The following PURG variants were observed in gnomAD, a reference collection of about 807,000 sequenced individuals.
The protein encoded by PURG is purine rich element binding protein G.
In PURG, 3 loss-of-function variants were observed where a neutral mutation model predicts 24.3. The ratio of observed to expected loss-of-function variants is 0.12; its 90% CI spans 0.06 to 0.32. The LOEUF is 0.32. Among genes scored for constraint, PURG ranks in the 10% least tolerant of loss-of-function variants. PURG has a pLI of 1.00. For missense variants in PURG, 371 were observed against 439.1 expected (o/e 0.84, Z 1.39); for synonymous variants, 180 against 173.1 (o/e 1.04, Z -0.31).
At position 31,002,747 on chromosome 8, in the gene PURG, G is replaced by A. The variant is rs150958018; in HGVS notation, c.865-6050C>T. Among the ~76,000 whole-genome samples the A allele has an allele frequency of 8.6e-3, 1,315 of 152,304 alleles. 16 individuals carry two copies. The highest frequency in any genetic ancestry group is 0.03 in the African/African-American group (1,245 of 41,550). On this transcript the variant is annotated intron_variant, in intron 1 of 1. Coordinates refer to the PURG transcript ENST00000339382. ...GATCCACTTGCCTCGGCCTCCCAAA[G>A]TGCTAGGATTACAGGCGTGAGCCAC...
Position 31,005,778 on chromosome 8 carries a change from T to TTG in PURG, c.865-9082_865-9081insCA, listed in dbSNP as rs1554511671. 7.4e-4 allele frequency among the ~76,000 whole-genome samples: 100 copies of TTG among 135,578 alleles called. 2 individuals carry two copies. In the East Asian group the frequency reaches 0.021, roughly 28 times the overall value. 88.9% of individuals were successfully genotyped at this position (135,578 alleles called of 152,430 possible). ...TTAGCATTTTTCTTTTTTCTTTTTT[T>TTG]TTTTTTTCATTTCAAAACTTCTCCC... On this transcript the variant is annotated intron_variant, in intron 1 of 1. Transcript: ENST00000339382.
intron 1 of PURG, among the ~76,000 whole-genome samples, chr8:31,017,726 A>T (rs1810903451): frequency 6.6e-6 from 1 of 152,350 alleles, no homozygotes; most frequent in East Asian, 1.9e-4. Context: ...CATTTGTAGC[A>T]ATAATGAACT....
chr8:31,003,256 C>G (rs535509139), intron 1 of PURG, among the ~76,000 whole-genome samples: 5 of 151,958 alleles, frequency 3.3e-5, no homozygotes, highest in Admixed American at 6.6e-5. Flanking sequence ...AAGGAAAGCA[C>G]GTGTATTTTA....
chr8:31,026,355 T>C (rs1270264720), downstream of PURG, among the ~76,000 whole-genome samples: 2 of 151,556 alleles, frequency 1.3e-5, no homozygotes, highest in Admixed American at 6.6e-5. Flanking sequence ...GAAGGCAAGA[T>C]GGCTAGGAAG....
At chr8:31,015,322 T>C (rs1288556029) in intron 1 of PURG, among the ~76,000 whole-genome samples, 1 of 152,190 alleles carries the variant, frequency 6.6e-6, no homozygotes, top group Non-Finnish European at 1.5e-5. Context: ...AATTTTATGC[T>C]ATGCATTTTT....
At chr8:31,006,154 C>A (rs923199785) in intron 1 of PURG, among the ~76,000 whole-genome samples, 4 of 152,138 alleles carry the variant, frequency 2.6e-5, no homozygotes, top group African/African-American at 7.2e-5. Context: ...AATGAATTCC[C>A]AGTTTCCTAC....
chr8:31,030,103 T>C (rs1743693708), downstream of PURG, among the ~76,000 whole-genome samples: 1 of 151,952 alleles, frequency 6.6e-6, no homozygotes, highest in African/African-American at 2.4e-5. Flanking sequence ...TTTTAATTCA[T>C]ACCATCAAGT....
At chr8:31,005,445 AAAAAGAAAAG>A (rs1554511613) in intron 1 of PURG, among the ~76,000 whole-genome samples, 2 of 151,710 alleles carry the variant, frequency 1.3e-5, no homozygotes, top group South Asian at 2.1e-4. Context: ...AAACAAAAAA[AAAAAGAAAAG>A]AAAAGAAAAG....
At chr8:31,017,299 G>C (rs1276588897) in intron 1 of PURG, among the ~76,000 whole-genome samples, 1 of 152,062 alleles carries the variant, frequency 6.6e-6, no homozygotes, top group East Asian at 1.9e-4. Flanking sequence ...AAGGTGAATA[G>C]GATTGGGATC....
chr8:31,006,638 A>T (rs964463460), intron 1 of PURG, among the ~76,000 whole-genome samples: 1 of 152,184 alleles, frequency 6.6e-6, no homozygotes, highest in Non-Finnish European at 1.5e-5. Flanking sequence ...TGCTGTCCCA[A>T]ATCCACCTAT....
rs1028505742 is a variant in PURG at position 31,005,012 on chromosome 8, G to T, written c.865-8315C>A. ...TGTGTCAATCAAGATATTCAGTGACGATCTGCTTATTTCTTGCCTGTTTTA... is the reference window on the plus strand; with the variant it reads ...TGTGTCAATCAAGATATTCAGTGACTATCTGCTTATTTCTTGCCTGTTTTA... On this transcript the variant is annotated intron_variant, in intron 1 of 1. Transcript: ENST00000339382. Among the ~76,000 whole-genome samples the T allele has an allele frequency of 2.6e-5, 4 of 152,098 alleles. No homozygotes were observed. In the East Asian group the frequency reaches 7.7e-4, roughly 29 times the overall value.
chr8:31,002,963 G>A (rs1430954713), intron 1 of PURG, among the ~76,000 whole-genome samples: 1 of 152,096 alleles, frequency 6.6e-6, no homozygotes, highest in Admixed American at 6.5e-5. Context: ...ACTTTTGAGC[G>A]ATTGCTCAAA....
chr8:31,000,409 C>T (rs936016869), intron 1 of PURG, among the ~76,000 whole-genome samples: 3 of 152,088 alleles, frequency 2.0e-5, no homozygotes, highest in Admixed American at 6.5e-5. Context: ...ATGGAATGCA[C>T]AGAAAGTTAA....
At chr8:31,021,770 A>G (rs1810994485) in intron 1 of PURG, among the ~76,000 whole-genome samples, 1 of 152,170 alleles carries the variant, frequency 6.6e-6, no homozygotes, top group African/African-American at 2.4e-5. Flanking sequence ...GGAAAATCAT[A>G]TGAAAATGGG....
intron 1 of PURG, among the ~76,000 whole-genome samples, chr8:30,998,566 T>C (rs1171755058): frequency 6.6e-6 from 1 of 151,760 alleles, no homozygotes; most frequent in South Asian, 2.1e-4. Context: ...TTTCATGTAA[T>C]CTTCAATCCC....
rs112901179 is a variant in PURG, at chr8:31,031,035, G to A, written c.*704C>T. 6.6e-6 allele frequency: 1 copy of A among 152,560 alleles called. No individual in the cohort carries two copies. The highest frequency in any genetic ancestry group is 1.5e-5 in the Non-Finnish European group (1 of 67,988). 9.5% of individuals were successfully genotyped at this position (152,560 alleles called of 1,614,324 possible). On this transcript the variant is annotated 3_prime_UTR_variant, in exon 2 of 2. Coordinates refer to ENST00000523392, the MANE Select transcript of PURG (RefSeq NM_001323311.2). ...ATATGGAACATTAAGTAGAGGTAAA[G>A]AAGGGATTGTAACTAAACTTAGAAT...
chr8:31,031,439 T>C lies in PURG; in HGVS notation c.*300A>G. The C allele has an allele frequency of 3.2e-6, 1 of 314,058 alleles. No individual in the cohort carries two copies. The highest frequency in any genetic ancestry group is 7.2e-5 in the South Asian group (1 of 13,880). The allele number at this position is 314,058 out of a possible 1,614,324, so 19.5% of individuals were successfully genotyped here. ...TTATGTCATAGTGCAATGTAAATCT[T>C]AGTTATGGTATTTAGAATGTCAGAA... On this transcript the variant is annotated 3_prime_UTR_variant, in exon 2 of 2. Transcript: ENST00000523392.
chr8:31,029,094 C>G (rs957641784), downstream of PURG, among the ~76,000 whole-genome samples: 1 of 151,776 alleles, frequency 6.6e-6, no homozygotes, highest in African/African-American at 2.4e-5. Flanking sequence ...TTATAAGATA[C>G]ATGGCAATAC....
intron 1 of PURG, among the ~76,000 whole-genome samples, chr8:31,000,769 C>T (rs1402235705): frequency 1.3e-5 from 2 of 152,054 alleles, no homozygotes; most frequent in Non-Finnish European, 2.9e-5. Context: ...AAAGACATGG[C>T]CCATTCTATA....
Sources: gnomAD v4.1 joint callset for allele counts (sites outside exome capture counted in the v4.1 genomes callset) on GRCh38, gnomAD v4.1.1 for gene constraint, MANE v1.5 for transcripts, NCBI Gene and HGNC (gene_info 2026-07-23, HGNC 2026-07-21) for gene names.